The following ALK variants were observed in gnomAD, a reference collection of about 807,000 sequenced individuals.
ALK encodes the protein ALK tyrosine kinase receptor.
Under a neutral mutation model 163.1 loss-of-function variants are expected in ALK, and 74 were observed. The ratio of observed to expected loss-of-function variants is 0.45; its 90% CI spans 0.38 to 0.55. The LOEUF is 0.55. Among genes scored for constraint, ALK ranks in the 20% least tolerant of loss-of-function variants. The pLI is 0.00. For synonymous variants in ALK, 960 were observed against 843.2 expected (o/e 1.14, Z -2.40); for missense variants, 2,063 against 2,105.3 (o/e 0.98, Z 0.39).
At chr2:29,471,636 C>G (rs150810294) in intron 4 of ALK, among the ~76,000 whole-genome samples, 1 of 152,222 alleles carries the variant, frequency 6.6e-6, no homozygotes, top group Admixed American at 6.5e-5. Context: ...TTGTGGCAGA[C>G]TGCATTTTCC....
chr2:29,897,373 AAAG>A (rs887822986), intron 1 of ALK, among the ~76,000 whole-genome samples: 2 of 152,140 alleles, frequency 1.3e-5, no homozygotes, highest in Admixed American at 1.3e-4. Context: ...ATAACAATAA[AAAG>A]AAGGAAAAAG....
chr2:29,337,906 A>G (rs948235439), intron 5 of ALK, among the ~76,000 whole-genome samples: 1 of 152,210 alleles, frequency 6.6e-6, no homozygotes, highest in Non-Finnish European at 1.5e-5. Context: ...CCCATCTTCT[A>G]CTAGCTAGTG....
At chr2:29,369,449 A>G (rs984413371) in intron 5 of ALK, among the ~76,000 whole-genome samples, 3 of 152,284 alleles carry the variant, frequency 2.0e-5, no homozygotes, top group South Asian at 4.1e-4. Flanking sequence ...GGATGAAAAG[A>G]GAAGAATATT....
intron 4 of ALK, among the ~76,000 whole-genome samples, chr2:29,491,202 T>C (rs754210490): frequency 6.6e-6 from 1 of 152,192 alleles, no homozygotes; most frequent in Non-Finnish European, 1.5e-5. Context: ...CTCAGAGAAC[T>C]GAAGAAACAT....
intron 4 of ALK, among the ~76,000 whole-genome samples, chr2:29,448,316 A>G (rs1670738321): frequency 6.6e-6 from 1 of 152,166 alleles, no homozygotes. Context: ...TTTAGGAGGG[A>G]GGCTGGCTTC....
chr2:29,751,354 G>A (rs531658066), intron 1 of ALK, among the ~76,000 whole-genome samples: 5 of 152,256 alleles, frequency 3.3e-5, no homozygotes, highest in Admixed American at 6.5e-5. Flanking sequence ...ACTTCAGCAC[G>A]CGATAGGAAT....
chr2:29,900,995 G>GAGAGAGAGCAAGCA (rs143158227), intron 1 of ALK, among the ~76,000 whole-genome samples: 2 of 148,600 alleles, frequency 1.3e-5, no homozygotes, highest in South Asian at 2.2e-4. Context: ...GAGAGAGAGA[G>GAGAGAGAGCAAGCA]AGCAAGCAAG....
intron 5 of ALK, among the ~76,000 whole-genome samples, chr2:29,360,832 T>C (rs1668369423): frequency 6.6e-6 from 1 of 152,350 alleles, no homozygotes; most frequent in South Asian, 2.1e-4. Context: ...CTATGAGGTT[T>C]GTGCAAAGAT....
chr2:29,760,744 TAG>T (rs1680677431), intron 1 of ALK, among the ~76,000 whole-genome samples: 1 of 152,068 alleles, frequency 6.6e-6, no homozygotes, highest in Middle Eastern at 3.2e-3. Flanking sequence ...TATTTGGGGG[TAG>T]AGGGAGTATT....
chr2:29,705,859 A>G (rs1285517985), intron 2 of ALK, among the ~76,000 whole-genome samples: 1 of 152,192 alleles, frequency 6.6e-6, no homozygotes, highest in Non-Finnish European at 1.5e-5. Context: ...AAGTGTCTCC[A>G]GGAGTCAGCA....
At chr2:29,306,194 A>G (rs1666505089) in intron 8 of ALK, among the ~76,000 whole-genome samples, 1 of 152,216 alleles carries the variant, frequency 6.6e-6, no homozygotes, top group African/African-American at 2.4e-5. Context: ...ACGTAGGCTT[A>G]TCTCACTGTA....
At chr2:29,771,543 T>C (rs1007015113) in intron 1 of ALK, among the ~76,000 whole-genome samples, 1 of 151,472 alleles carries the variant, frequency 6.6e-6, no homozygotes, top group Non-Finnish European at 1.5e-5. Context: ...TCTTTTTTTT[T>C]TGGGTTGGGG....
intron 3 of ALK, among the ~76,000 whole-genome samples, chr2:29,607,886 C>G (rs1486330399): frequency 1.3e-5 from 2 of 151,612 alleles, no homozygotes; most frequent in African/African-American, 2.4e-5. Flanking sequence ...TTTTTTCAAT[C>G]TCAGTAGACC....
intron 3 of ALK, among the ~76,000 whole-genome samples, chr2:29,643,614 C>T (rs958705599): frequency 1.3e-5 from 2 of 152,108 alleles, no homozygotes; most frequent in African/African-American, 4.8e-5. Flanking sequence ...AGCGGGTGAA[C>T]AGTGGGGAGG....
chr2:29,500,209 C>T (rs1300656205), intron 4 of ALK, among the ~76,000 whole-genome samples: 1 of 152,168 alleles, frequency 6.6e-6, no homozygotes, highest in Non-Finnish European at 1.5e-5. Flanking sequence ...TGGGAGGCAA[C>T]TGGATCATGG....
intron 27 of ALK, 44 bp from the exon 28 acceptor site, chr2:29,196,904 G>C (rs2148142094): frequency 6.7e-7 from 1 of 1,493,710 alleles, no homozygotes; most frequent in Non-Finnish European, 9.3e-7. Flanking sequence ...GAAGCACAAT[G>C]ATGAAAAATA....
chr2:29,329,573 G>A (rs1156935738), intron 5 of ALK, among the ~76,000 whole-genome samples: 1 of 152,222 alleles, frequency 6.6e-6, no homozygotes, highest in East Asian at 1.9e-4. Context: ...TCAGGGCAGT[G>A]GGGGAAGATG....
At chr2:29,729,531 G>A (rs938095137) in intron 1 of ALK, among the ~76,000 whole-genome samples, 2 of 152,100 alleles carry the variant, frequency 1.3e-5, no homozygotes, top group African/African-American at 4.8e-5. Context: ...AACACCTTGG[G>A]GAAAACATGA....
chr2:29,602,861 A>G (rs1195118229), intron 3 of ALK, among the ~76,000 whole-genome samples: 1 of 152,232 alleles, frequency 6.6e-6, no homozygotes, highest in Non-Finnish European at 1.5e-5. Flanking sequence ...ATGACCTGTG[A>G]CACAGCCTCA....
Sources: gnomAD v4.1 joint callset for allele counts (sites outside exome capture counted in the v4.1 genomes callset) on GRCh38, gnomAD v4.1.1 for gene constraint, MANE v1.5 for transcripts, NCBI Gene and HGNC (gene_info 2026-07-23, HGNC 2026-07-21) for gene names.